Variants in CIAO3 observed in about 807,000 individuals in gnomAD.
CIAO3 encodes cytosolic iron-sulfur assembly component 3, also known as LET1 like/JFP15.
CIAO3 carries 45 observed loss-of-function variants against 51.5 expected under a neutral mutation model. The observed-to-expected ratio is 0.87, with a 90% CI of 0.69 to 1.12. The LOEUF is 1.12. Among genes scored for constraint, CIAO3 ranks in the 50% most tolerant of loss-of-function variants. The pLI is 0.00. For missense variants in CIAO3, 668 were observed against 632.5 expected, an observed-to-expected ratio of 1.06 and a Z score of -0.60; for synonymous variants, 314 against 269.3, an observed-to-expected ratio of 1.17 and a Z score of -1.63.
At chr16:731,141 C>G in intron 9 of CIAO3, 141 bp from the exon 10 acceptor site, 2 of 1,109,542 alleles carry the variant, frequency 1.8e-6, no homozygotes, top group Non-Finnish European at 2.5e-6. Context: ...GAGGGAAGGA[C>G]AAGAACGGAG....
chr16:731,817 C>T (rs2041286588), intron 8 of CIAO3, 115 bp from the exon 9 acceptor site: 1 of 1,351,914 alleles, frequency 7.4e-7, no homozygotes, highest in Non-Finnish European at 9.7e-7. Context: ...AGACAAGTCA[C>T]AGACACAGAG....
At position 730,096 on chromosome 16, in the gene CIAO3, A is replaced by C. The variant is rs1215490754; in HGVS notation, c.*321T>G. ...CGGGACAGGCTGAAGCCCCTCACGC[A>C]CTTGGGTGCCCGACCAGCAGCAGCA... On this transcript the variant is annotated 3_prime_UTR_variant, in exon 11 of 11. Transcript: ENST00000251588. 6.3e-6 allele frequency: 3 copies of C among 474,606 alleles called. No individual in the cohort carries two copies. The highest frequency in any genetic ancestry group is 7.3e-5 in the Admixed American group (2 of 27,242). The allele number at this position is 474,606 out of a possible 1,614,324, so 29.4% of individuals were successfully genotyped here. A position where few individuals can be genotyped will look rare whatever the true frequency, so the allele number is the denominator to read the frequency against.
Position 737,738 on chromosome 16 carries a change from G to GAGGAAAGC in CIAO3, c.163-410_163-409insGCTTTCCT, listed in dbSNP as rs1567346198. 7.8e-7 allele frequency: 1 copy of GAGGAAAGC among 1,280,608 alleles called. No homozygotes were observed. The highest frequency in any genetic ancestry group is 1.0e-6 in the Non-Finnish European group (1 of 984,390). The allele number at this position is 1,280,608 out of a possible 1,614,324, so 79.3% of individuals were successfully genotyped here. The stretch of plus-strand genomic sequence containing the variant: ...GAAAGCTGAGGACAAAGGAGGAAAG[G>GAGGAAAGC]ACGAAGGCACAGGAAGAGGAGAGCA... On this transcript the variant is annotated intron_variant, in intron 2 of 10. Coordinates refer to ENST00000251588, the MANE Select transcript of CIAO3 (RefSeq NM_022493.3). The surrounding 1 kb of genome is among the most constrained non-coding windows in gnomAD (Gnocchi z 5.3).
chr16:730,668 A>T lies in CIAO3; in HGVS notation c.1193-13T>A. On this transcript the variant is annotated splice_polypyrimidine_tract_variant and intron_variant, in intron 10 of 10. Coordinates refer to ENST00000251588, the MANE Select transcript of CIAO3 (RefSeq NM_022493.3). ...CCGTTCAGGCAGCCTATGGGAGAGC[A>T]GACGGGACAGGGGTCACAGCCTGCG... 1 of 1,605,688 alleles carries T rather than the reference A, an allele frequency of 6.2e-7. No homozygotes were observed. The highest frequency in any genetic ancestry group is 1.1e-5 in the South Asian group (1 of 91,016).
chr16:730,865 C>A lies in CIAO3; in HGVS notation c.1170G>T (p.Val390=). Residue 390 remains valine (V), a synonymous_variant, in exon 10 of 11, where the codon GTG becomes GTT. Coordinates refer to ENST00000251588, the MANE Select transcript of CIAO3 (RefSeq NM_022493.3). ...TACCTGAGGGGCAGGCCATGACCTCCACGTAGTGGTAGGGGCAGCGCCCTC... is the reference window on the plus strand; with the variant it reads ...TACCTGAGGGGCAGGCCATGACCTCAACGTAGTGGTAGGGGCAGCGCCCTC... ...LKRGRCPYHY[V]EVMACPSGCL... is the part of the protein sequence containing the mutation. 1 of 1,612,872 alleles carries A rather than the reference C, an allele frequency of 6.2e-7. No individual in the cohort carries two copies. Among genetic ancestry groups the A allele is most frequent in the Non-Finnish European group, 8.5e-7 (1 of 1,179,990 alleles).
At position 734,264 on chromosome 16, in the gene CIAO3, C is replaced by CCATG. The variant is rs2041314720; in HGVS notation, c.654_657dup (p.Gly220HisfsTer18). ...GCGAAGAAGTCCTTGACCAGGGAGC[C>CCATG]CATGACCTGCTGCGGGGACCGGGCG... On this transcript the variant is annotated frameshift_variant, in exon 6 of 11. Transcript: ENST00000251588. LOFTEE classifies it high-confidence loss of function. 6.2e-7 allele frequency: 1 copy of CCATG among 1,612,040 alleles called. No homozygotes were observed. Among genetic ancestry groups the CCATG allele is most frequent in the Admixed American group, 1.7e-5 (1 of 60,002 alleles).
At position 732,319 on chromosome 16, in the gene CIAO3, G is replaced by A. The variant is rs757490384; in HGVS notation, c.878C>T (p.Pro293Leu). The change falls in exon 8 of 11, where the codon CCA (proline) becomes CTA (leucine). Residue 293 changes from proline to leucine, a missense_variant. Physicochemically the swap from Pro to Leu is moderately conservative, Grantham distance 98. Coordinates refer to ENST00000251588, the MANE Select transcript of CIAO3 (RefSeq NM_022493.3). ...TACGTACAGGCTGTCCAGAGGGGCTGGTTCCAGGTCGGGGAGGGAGACGCC... is the reference window on the plus strand; with the variant it reads ...TACGTACAGGCTGTCCAGAGGGGCTAGTTCCAGGTCGGGGAGGGAGACGCC... ...EEGVSLPDLE[P>L]APLDSLCSGA... 1 of 1,612,768 alleles carries A rather than the reference G, an allele frequency of 6.2e-7. No homozygotes were observed. The highest frequency in any genetic ancestry group is 8.5e-7 in the Non-Finnish European group (1 of 1,179,698).
In CIAO3 at chr16:734,795, T is replaced by C; in HGVS notation, c.516A>G (p.Arg172=). ...GTCTGCAGTCGGCCTGTCCTCGGAATCGCCGCACAAACTCTCGCTGGCTCT... is the reference window on the plus strand; with the variant it reads ...GTCTGCAGTCGGCCTGTCCTCGGAACCGCCGCACAAACTCTCGCTGGCTCT... ...LLESQREFVR[R]FRGQADCRQA... Residue 172 remains arginine (R), a synonymous_variant, in exon 5 of 11, where the codon CGA becomes CGG. Coordinates refer to ENST00000251588, the MANE Select transcript of CIAO3 (RefSeq NM_022493.3). 8 of 1,608,172 alleles carry C rather than the reference T, an allele frequency of 5.0e-6. No homozygotes were observed. Among genetic ancestry groups the C allele is most frequent in the Non-Finnish European group, 6.8e-6 (8 of 1,176,320 alleles).
chr16:739,782 G>A, intron 1 of CIAO3, 44 bp from the exon 2 acceptor site: 2 of 1,586,830 alleles, frequency 1.3e-6, no homozygotes, highest in South Asian at 2.2e-5. Flanking sequence ...TGAGTGGGCG[G>A]AGGTTCCCTG....
At chr16:730,772 G>C (rs2041268166) in intron 10 of CIAO3, 71 bp downstream of exon 10, 1 of 1,589,618 alleles carries the variant, frequency 6.3e-7, no homozygotes, top group Admixed American at 1.7e-5. Context: ...CCCACTCCCA[G>C]CCTGGTGGAT....
rs766584948 is a variant in CIAO3, at chr16:730,423, C to A, written c.1425G>T (p.Arg475=). The A allele has an allele frequency of 6.0e-5, 96 of 1,601,398 alleles. No homozygotes were observed. In the South Asian group the frequency reaches 1.0e-3, roughly 17 times the overall value. Residue 475 remains arginine, a synonymous_variant, in exon 11 of 11, where the codon CGG becomes CGT. Coordinates refer to ENST00000251588, the MANE Select transcript of CIAO3 (RefSeq NM_022493.3). ...VEKASTGLGI[R]W ...AGTCCTGGTCCTGCAGCCCCTACCA[C>A]CGGATGCCCAGGCCAGTGCTGGCCT...
intron 2 of CIAO3, chr16:738,273 C>G (rs2041358549): frequency 1.0e-6 from 1 of 987,228 alleles, no homozygotes; most frequent in Non-Finnish European, 1.2e-6. Flanking sequence ...GAAATCGTCT[C>G]TTGGTGCAGT....
At chr16:734,547 C>T (rs760976810) in intron 5 of CIAO3, 190 bp downstream of exon 5, 8 of 1,072,982 alleles carry the variant, frequency 7.5e-6, no homozygotes, top group Admixed American at 1.8e-5. Context: ...GAGGTGACTG[C>T]GCGTGGCTCC....
At chr16:730,722 A>G in intron 10 of CIAO3, 67 bp from the exon 11 acceptor site, 2 of 1,583,948 alleles carry the variant, frequency 1.3e-6, no homozygotes, top group East Asian at 4.5e-5. Context: ...ACCACCAGGG[A>G]GCAGGGAGGT....
At chr16:740,121 C>A in intron 1 of CIAO3, 1 of 1,308,854 alleles carries the variant, frequency 7.6e-7, no homozygotes, top group East Asian at 5.2e-5. Flanking sequence ...GAGACCACCT[C>A]CTGCTCAGTG....
Position 737,584 on chromosome 16 carries a change from G to C in CIAO3, c.163-255C>G. ...AATCACAGGACTAAGGCTTGCCACT[G>C]GTATCTCAGCAAAGCAGCAGCCACC... On this transcript the variant is annotated intron_variant, in intron 2 of 10. Coordinates refer to ENST00000251588, the MANE Select transcript of CIAO3 (RefSeq NM_022493.3). This position sits in a 1 kb window ranked among gnomAD's most constrained non-coding sequence, Gnocchi z 5.3. 1 of 1,453,064 alleles carries C rather than the reference G, an allele frequency of 6.9e-7. No homozygotes were observed. Among genetic ancestry groups the C allele is most frequent in the Non-Finnish European group, 9.1e-7 (1 of 1,094,812 alleles). 90.0% of individuals were successfully genotyped at this position (1,453,064 alleles called of 1,614,324 possible).
chr16:734,114 G>A, intron 6 of CIAO3, 115 bp downstream of exon 6: 2 of 902,812 alleles, frequency 2.2e-6, no homozygotes, highest in South Asian at 2.7e-5. Context: ...GTGTGCTGGG[G>A]AAGGCCGCAC....
rs370558471 is a variant in CIAO3 at position 730,660 on chromosome 16, G to A, written c.1193-5C>T. 1.7e-4 allele frequency: 272 copies of A among 1,607,438 alleles called. No homozygotes were observed. In the African/African-American group the frequency reaches 2.7e-3, roughly 16 times the overall value. ...GGCCCCCGCCGTTCAGGCAGCCTAT[G>A]GGAGAGCAGACGGGACAGGGGTCAC... On this transcript the variant is annotated splice_region_variant and splice_polypyrimidine_tract_variant and intron_variant, in intron 10 of 10. Transcript: ENST00000251588.
chr16:733,207 G>A (rs555813627), intron 7 of CIAO3, 91 bp downstream of exon 7: 1,001 of 1,524,788 alleles, frequency 6.6e-4, no homozygotes, highest in Non-Finnish European at 8.4e-4. Flanking sequence ...GGCCCCCACA[G>A]GCAGGATCCT....
Sources: allele counts gnomAD v4.1 joint callset, GRCh38; gene constraint gnomAD v4.1.1; non-coding constraint Gnocchi (gnomAD v3.1); transcripts MANE v1.5; gene names NCBI Gene and HGNC (gene_info 2026-07-23, HGNC 2026-07-21).